The following APBA1 variants were observed in gnomAD, a reference collection of about 807,000 sequenced individuals.
APBA1 encodes amyloid beta precursor protein binding family A member 1.
In APBA1, 55 loss-of-function variants were observed where a neutral mutation model predicts 86.6. The ratio of observed to expected loss-of-function variants is 0.64; its 90% confidence interval spans 0.51 to 0.80. The LOEUF (loss-of-function observed/expected upper bound fraction) is 0.80. Ranked by LOEUF, APBA1 falls within the 30% of genes least tolerant of loss-of-function variation. The probability of loss-of-function intolerance (pLI) is 0.00; values close to 1 mark genes in which losing one functional copy is unlikely to be tolerated. For synonymous variants in APBA1, 511 were observed against 493.9 expected (o/e 1.03, Z -0.46); for missense variants, 1,090 against 1,183.0 (o/e 0.92, Z 1.15).
intron 2 of APBA1, among the ~76,000 whole-genome samples, chr9:69,481,816 G>GC (rs1158008176): frequency 6.6e-6 from 1 of 151,726 alleles, no homozygotes; most frequent in East Asian, 1.9e-4. Context: ...AAATAACGCC[G>GC]CATGTCTACA....
intron 1 of APBA1, among the ~76,000 whole-genome samples, chr9:69,618,505 T>C (rs1307255298): frequency 6.6e-6 from 1 of 152,218 alleles, no homozygotes; most frequent in Non-Finnish European, 1.5e-5. Context: ...TGAGGAAGGA[T>C]ATGATACTTT....
chr9:69,446,457 G>T (rs1834910106), intron 10 of APBA1, among the ~76,000 whole-genome samples: 1 of 152,086 alleles, frequency 6.6e-6, no homozygotes, highest in Admixed American at 6.6e-5. Context: ...TCACCACTCG[G>T]CCTTTTAATT....
chr9:69,466,338 T>C (rs1564042056), intron 5 of APBA1, among the ~76,000 whole-genome samples: 1 of 152,208 alleles, frequency 6.6e-6, no homozygotes, highest in Non-Finnish European at 1.5e-5. Context: ...GTATGAGCTA[T>C]TCACCACATG....
At chr9:69,670,867 G>A (rs1823935823) in intron 1 of APBA1, among the ~76,000 whole-genome samples, 1 of 152,042 alleles carries the variant, frequency 6.6e-6, no homozygotes, top group Non-Finnish European at 1.5e-5. Context: ...AATGATACAC[G>A]GCACCACCTA....
intron 2 of APBA1, among the ~76,000 whole-genome samples, chr9:69,514,051 G>T (rs1470395759): frequency 6.6e-6 from 1 of 152,158 alleles, no homozygotes; most frequent in African/African-American, 2.4e-5. Flanking sequence ...CAGAGCAAAG[G>T]TTAGTCTTCC....
chr9:69,450,101 C>T (rs1490359594), intron 9 of APBA1, among the ~76,000 whole-genome samples: 2 of 136,430 alleles, frequency 1.5e-5, no homozygotes, highest in Non-Finnish European at 3.0e-5. Flanking sequence ...CAGTCCTGTC[C>T]TCAGTGGCAG....
At chr9:69,482,199 G>A (rs1276426172) in intron 2 of APBA1, among the ~76,000 whole-genome samples, 4 of 151,944 alleles carry the variant, frequency 2.6e-5, no homozygotes, top group Non-Finnish European at 5.9e-5. Context: ...ACAAAAATGG[G>A]AGAAAATTTT....
intron 4 of APBA1, among the ~76,000 whole-genome samples, chr9:69,470,540 C>T (rs11138830): frequency 0.091 from 13,903 of 152,164 alleles, 783 homozygotes; most frequent in East Asian, 0.27. Context: ...AAATAATTTA[C>T]GATGATTCAA....
chr9:69,563,256 C>T lies in APBA1; in HGVS notation c.-69-45977G>A, dbSNP rs1231076051. ...TAAGAAAAAGAATATCCCTAACCAA[C>T]TTGTCACTTTAAAAATAACTTGCTT... On this transcript the variant is annotated intron_variant, in intron 1 of 12. Transcript: ENST00000265381. 3.3e-5 allele frequency among the ~76,000 whole-genome samples: 5 copies of T among 152,196 alleles called. No homozygotes were observed. The East Asian group carries it at 9.6e-4, about 29-fold the overall frequency.
chr9:69,537,904 A>G (rs1166996317), intron 1 of APBA1, among the ~76,000 whole-genome samples: 1 of 151,916 alleles, frequency 6.6e-6, no homozygotes, highest in East Asian at 1.9e-4. Context: ...CTGGCTTTAT[A>G]GTTTCTCTTT....
chr9:69,626,908 A>G (rs895169653), intron 1 of APBA1, among the ~76,000 whole-genome samples: 1 of 152,038 alleles, frequency 6.6e-6, no homozygotes, highest in Admixed American at 6.6e-5. Flanking sequence ...TACAGAAAAA[A>G]AAAAAAAACT....
chr9:69,446,188 T>C (rs991867335), intron 10 of APBA1, among the ~76,000 whole-genome samples: 9 of 152,192 alleles, frequency 5.9e-5, no homozygotes, highest in African/African-American at 2.2e-4. Flanking sequence ...AAAAAGGTGA[T>C]ACGACCCACT....
intron 1 of APBA1, among the ~76,000 whole-genome samples, chr9:69,550,124 T>A (rs895929255): frequency 2.0e-5 from 3 of 152,246 alleles, no homozygotes; most frequent in Non-Finnish European, 4.4e-5. Context: ...AATCTTTTGG[T>A]TCATGATATA....
intron 2 of APBA1, among the ~76,000 whole-genome samples, chr9:69,483,304 C>G (rs77192408): frequency 0.044 from 6,667 of 151,948 alleles, 515 homozygotes; most frequent in African/African-American, 0.15. Context: ...TGTGGGGATG[C>G]GTGGGGAGGT....
upstream of APBA1, chr9:69,672,904 T>G (rs1463584395): frequency 6.6e-6 from 1 of 152,242 alleles, no homozygotes; most frequent in Non-Finnish European, 1.5e-5. Flanking sequence ...GGCAGCCGCG[T>G]CGACTCCTGC....
In APBA1 at chr9:69,430,150, C is replaced by G. The variant is rs531812198; in HGVS notation, c.*1177G>C. On this transcript the variant is annotated 3_prime_UTR_variant, in exon 13 of 13. Transcript: ENST00000265381. ...TCTCCTTAATTTTGTGGTTTATGTACTATTCTGGCCTTTCCAATATCACAT... is the reference window on the plus strand; with the variant it reads ...TCTCCTTAATTTTGTGGTTTATGTAGTATTCTGGCCTTTCCAATATCACAT... 9 of 152,356 alleles carry G rather than the reference C, an allele frequency of 5.9e-5. No individual in the cohort carries two copies. Among genetic ancestry groups the G allele is most frequent in the African/African-American group, 2.2e-4 (9 of 41,588 alleles). 9.4% of individuals were successfully genotyped at this position (152,356 alleles called of 1,614,324 possible).
chr9:69,575,277 C>T (rs1274216846), intron 1 of APBA1, among the ~76,000 whole-genome samples: 1 of 152,086 alleles, frequency 6.6e-6, no homozygotes, highest in Admixed American at 6.5e-5. Flanking sequence ...AATGGCCATA[C>T]TGCCCAAGGT....
At chr9:69,651,391 T>C (rs978562597) in intron 1 of APBA1, among the ~76,000 whole-genome samples, 2 of 152,342 alleles carry the variant, frequency 1.3e-5, no homozygotes, top group South Asian at 4.1e-4. Flanking sequence ...CTTAAAGATT[T>C]GTGTAGTTTA....
At chr9:69,434,956 C>T (rs1588280215) in intron 11 of APBA1, among the ~76,000 whole-genome samples, 1 of 118,476 alleles carries the variant, frequency 8.4e-6, no homozygotes, top group Non-Finnish European at 1.7e-5. Flanking sequence ...TCCCCCCACC[C>T]CACAACAGTC....
Sources: gnomAD v4.1 joint callset for allele counts (sites outside exome capture counted in the v4.1 genomes callset) on GRCh38, gnomAD v4.1.1 for gene constraint, MANE v1.5 for transcripts, NCBI Gene and HGNC (gene_info 2026-07-23, HGNC 2026-07-21) for gene names.